PIP4K2A: variants seen among roughly 807,000 people sequenced by gnomAD.
PIP4K2A encodes phosphatidylinositol 5-phosphate 4-kinase type-2 alpha.
Under a neutral mutation model 42.9 loss-of-function variants are expected in PIP4K2A, and 14 were observed. The observed-to-expected ratio is 0.33, with a 90% confidence interval of 0.22 to 0.51. The LOEUF is 0.51. PIP4K2A is among the 20% of genes least tolerant of loss of function. PIP4K2A has a pLI of 0.97. For missense variants in PIP4K2A, 434 were observed against 519.8 expected (o/e 0.83, Z 1.61); for synonymous variants, 192 against 192.2 (o/e 1.00, Z 0.01).
intron 8 of PIP4K2A, among the ~76,000 whole-genome samples, chr10:22,541,198 C>A (rs1836102674): frequency 6.6e-6 from 1 of 152,332 alleles, no homozygotes; most frequent in East Asian, 1.9e-4. Context: ...GCCATAGGCC[C>A]TTCCATGGGG....
At chr10:22,713,132 C>T (rs576031621) in intron 1 of PIP4K2A, among the ~76,000 whole-genome samples, 1 of 152,292 alleles carries the variant, frequency 6.6e-6, no homozygotes, top group African/African-American at 2.4e-5. Context: ...CTGGCTGAGC[C>T]AACAGCTCCG....
At chr10:22,595,617 TGTG>T (rs1462978388) in intron 3 of PIP4K2A, among the ~76,000 whole-genome samples, 1 of 151,628 alleles carries the variant, frequency 6.6e-6, no homozygotes, top group African/African-American at 2.4e-5. Context: ...ATCAGCCAGG[TGTG>T]GTGGTGCATG....
chr10:22,544,120 A>G (rs1836199878), intron 7 of PIP4K2A, among the ~76,000 whole-genome samples: 1 of 152,146 alleles, frequency 6.6e-6, no homozygotes, highest in African/African-American at 2.4e-5. Context: ...ATCAGCTGGC[A>G]TCGGAGGCCC....
chr10:22,561,831 G>A (rs951934401), intron 6 of PIP4K2A, among the ~76,000 whole-genome samples: 3 of 152,040 alleles, frequency 2.0e-5, no homozygotes, highest in Non-Finnish European at 4.4e-5. Flanking sequence ...TCCCTAAAGT[G>A]CTGGGATTAC....
chr10:22,619,264 C>T (rs1199530771), intron 1 of PIP4K2A, among the ~76,000 whole-genome samples: 1 of 152,002 alleles, frequency 6.6e-6, no homozygotes, highest in African/African-American at 2.4e-5. Context: ...AACCAAATAG[C>T]AATTTGAAAG....
intron 1 of PIP4K2A, among the ~76,000 whole-genome samples, chr10:22,699,607 C>T (rs1380309634): frequency 3.9e-5 from 6 of 152,060 alleles, no homozygotes; most frequent in Non-Finnish European, 8.8e-5. Flanking sequence ...TATCTTCAAA[C>T]CTTTTAGGCT....
chr10:22,645,701 T>TC (rs1366114909), intron 1 of PIP4K2A, among the ~76,000 whole-genome samples: 1 of 151,392 alleles, frequency 6.6e-6, no homozygotes, highest in Non-Finnish European at 1.5e-5. Context: ...TTTTTTTTTT[T>TC]CTGAGACAGG....
intron 6 of PIP4K2A, among the ~76,000 whole-genome samples, chr10:22,563,482 A>C (rs1274909089): frequency 6.6e-6 from 1 of 152,274 alleles, no homozygotes; most frequent in African/African-American, 2.4e-5. Flanking sequence ...TACTTTAGAA[A>C]AAAAATCAAG....
rs150559495 is a variant in PIP4K2A at position 22,624,533 on chromosome 10, T to G, written c.145-14816A>C. 3.9e-5 allele frequency among the ~76,000 whole-genome samples: 6 copies of G among 152,038 alleles called. No individual in the cohort carries two copies. The East Asian group carries it at 1.2e-3, about 29-fold the overall frequency. ...GTATTCAAAGAACTACTGTGTATGG[T>G]TGAGAGGGAAGAAGAATGCAAGCAC... On this transcript the variant is annotated intron_variant, in intron 1 of 9. Coordinates refer to ENST00000376573, the MANE Select transcript of PIP4K2A (RefSeq NM_005028.5).
At chr10:22,549,014 C>T (rs1404550614) in intron 7 of PIP4K2A, among the ~76,000 whole-genome samples, 1 of 152,180 alleles carries the variant, frequency 6.6e-6, no homozygotes, top group Admixed American at 6.5e-5. Flanking sequence ...GCTCATGCCA[C>T]CCCACTCTAG....
At chr10:22,616,450 G>C (rs1403837202) in intron 1 of PIP4K2A, among the ~76,000 whole-genome samples, 1 of 152,140 alleles carries the variant, frequency 6.6e-6, no homozygotes, top group African/African-American at 2.4e-5. Context: ...AGTGAGATTA[G>C]AAAAGGCCCA....
At chr10:22,600,930 T>C (rs1837749801) in intron 3 of PIP4K2A, among the ~76,000 whole-genome samples, 1 of 151,364 alleles carries the variant, frequency 6.6e-6, no homozygotes. Context: ...CAAGACACAG[T>C]GCAATTTAAC....
intron 4 of PIP4K2A, among the ~76,000 whole-genome samples, chr10:22,574,442 C>CTTT (rs368291427): frequency 6.4e-5 from 1 of 15,564 alleles, no homozygotes; most frequent in African/African-American, 2.2e-4. Flanking sequence ...TTTTCATTTT[C>CTTT]TGTTTTTTTT....
In PIP4K2A at chr10:22,714,274, G is replaced by C. The variant is rs1833968899; in HGVS notation, c.53C>G (p.Thr18Ser). Residue 18 changes from threonine to serine, a missense_variant, in exon 1 of 10, where the codon ACC becomes AGC. Thr to Ser is a moderately conservative substitution (Grantham distance 58, BLOSUM62 1). Around this residue, in one of 2 missense-constraint regions of PIP4K2A, gnomAD observed 395 missense variants for 444.5 expected, o/e 0.89. Transcript: ENST00000376573. Reference sequence around the variant, plus strand: ...CTGCGCTACGAAGTGCTTCTTCTTGGTCTTGGTCTTGCTCGCCAGGACAGA... The same window carrying C: ...CTGCGCTACGAAGTGCTTCTTCTTGCTCTTGGTCTTGCTCGCCAGGACAGA... ...GSSVLASKTK[T>S]KKKHFVAQKV... The C allele has an allele frequency of 1.2e-6, 2 of 1,611,614 alleles. No individual in the cohort carries two copies. The highest frequency in any genetic ancestry group is 2.2e-5 in the South Asian group (2 of 90,992).
chr10:22,660,832 T>C (rs1839192614), intron 1 of PIP4K2A, among the ~76,000 whole-genome samples: 1 of 151,988 alleles, frequency 6.6e-6, no homozygotes, highest in African/African-American at 2.4e-5. Context: ...AAAAAAAAGT[T>C]TATATGAAAC....
intron 1 of PIP4K2A, among the ~76,000 whole-genome samples, chr10:22,645,915 T>A (rs1008128549): frequency 6.6e-6 from 1 of 151,976 alleles, no homozygotes; most frequent in Non-Finnish European, 1.5e-5. Flanking sequence ...AGAGACGGGG[T>A]CTCCCTATGT....
chr10:22,541,567 G>C (rs1274849965), intron 8 of PIP4K2A, among the ~76,000 whole-genome samples: 1 of 152,112 alleles, frequency 6.6e-6, no homozygotes, highest in African/African-American at 2.4e-5. Context: ...TATAGTTCGT[G>C]GTTTTGCTGT....
chr10:22,642,553 A>T (rs886654547), intron 1 of PIP4K2A, among the ~76,000 whole-genome samples: 1 of 151,944 alleles, frequency 6.6e-6, no homozygotes, highest in African/African-American at 2.4e-5. Flanking sequence ...TTATAAACAG[A>T]TCATGTGTGT....
chr10:22,627,591 TAA>T (rs57671642), intron 1 of PIP4K2A, among the ~76,000 whole-genome samples: 69 of 56,994 alleles, frequency 1.2e-3, no homozygotes, highest in East Asian at 3.8e-3. Flanking sequence ...TAATATGTAA[TAA>T]AAAAAAAAAA....
Sources: gnomAD v4.1 joint callset for allele counts (sites outside exome capture counted in the v4.1 genomes callset) on GRCh38, gnomAD v4.1.1 for gene constraint, gnomAD v4.1.1 regional missense constraint, MANE v1.5 for transcripts, NCBI Gene and HGNC (gene_info 2026-07-23, HGNC 2026-07-21) for gene names.